FAM184A: variants seen among roughly 807,000 people sequenced by gnomAD.
The protein encoded by FAM184A is family with sequence similarity 184 member A.
In FAM184A, 99 loss-of-function variants were observed where a neutral mutation model predicts 143.8. The observed-to-expected ratio is 0.69, with a 90% CI of 0.58 to 0.81. FAM184A has a LOEUF of 0.81. FAM184A is among the 40% of genes least tolerant of loss of function. The pLI is 0.00. For synonymous variants in FAM184A, 427 were observed against 446.4 expected, an observed-to-expected ratio of 0.96 and a Z score of 0.55; for missense variants, 1,217 against 1,310.5, an observed-to-expected ratio of 0.93 and a Z score of 1.10.
At chr6:119,021,800 A>G (rs1477700458) in intron 3 of FAM184A, among the ~76,000 whole-genome samples, 1 of 151,920 alleles carries the variant, frequency 6.6e-6, no homozygotes, top group Non-Finnish European at 1.5e-5. Flanking sequence ...ACATGGCAAG[A>G]CCCCGTCTTT....
At position 118,964,664 on chromosome 6, in the gene FAM184A, T is replaced by G. The variant is rs755422251; in HGVS notation, c.3138+3A>C. On this transcript the variant is annotated splice_donor_region_variant and intron_variant, in intron 16 of 17. Transcript: ENST00000338891. ...CCTATTCTACAGTGTTTACGGCACA[T>G]ACCTTAGCCAATGGATTAATAACAC... The G allele has an allele frequency of 2.7e-5, 42 of 1,541,802 alleles. No homozygotes were observed. Among genetic ancestry groups the G allele is most frequent in the Middle Eastern group, 1.7e-4 (1 of 5,922 alleles).
chr6:119,143,297 G>T (rs1260435010), intron 1 of FAM184A, among the ~76,000 whole-genome samples: 1 of 152,126 alleles, frequency 6.6e-6, no homozygotes, highest in Admixed American at 6.5e-5. Flanking sequence ...AAAATCCAGG[G>T]TTGTGACTTC....
At chr6:119,088,282 C>T (rs751230906) in intron 1 of FAM184A, among the ~76,000 whole-genome samples, 1 of 152,102 alleles carries the variant, frequency 6.6e-6, no homozygotes, top group African/African-American at 2.4e-5. Flanking sequence ...AAAGATTCAT[C>T]GATGAAAAGT....
At chr6:119,147,771 T>C (rs1772500895) in intron 1 of FAM184A, among the ~76,000 whole-genome samples, 1 of 152,134 alleles carries the variant, frequency 6.6e-6, no homozygotes, top group Non-Finnish European at 1.5e-5. Flanking sequence ...CCATTTTAAA[T>C]TTAGGAACAA....
rs539273574 is a variant in FAM184A, at chr6:119,132,590, A to T, written c.-202+16488T>A. 1.3e-4 allele frequency among the ~76,000 whole-genome samples: 20 copies of T among 152,292 alleles called. No homozygotes were observed. In the South Asian group the frequency reaches 3.7e-3, roughly 28 times the overall value. On this transcript the variant is annotated intron_variant, in intron 1 of 16. Coordinates refer to the FAM184A transcript ENST00000352896. Reference sequence around the variant, plus strand: ...TTTTCATTCATTTGCAAATTTTTTTAAAAAACGTACTCATCTATTTTCCCA... The same window carrying T: ...TTTTCATTCATTTGCAAATTTTTTTTAAAAACGTACTCATCTATTTTCCCA...
At chr6:119,091,487 T>G (rs936610775) in intron 1 of FAM184A, among the ~76,000 whole-genome samples, 1 of 152,228 alleles carries the variant, frequency 6.6e-6, no homozygotes, top group Non-Finnish European at 1.5e-5. Flanking sequence ...TTGTGGATAC[T>G]GTGGTATATG....
At chr6:119,002,009 T>C (rs2114637802) in intron 9 of FAM184A, among the ~76,000 whole-genome samples, 1 of 152,306 alleles carries the variant, frequency 6.6e-6, no homozygotes, top group African/African-American at 2.4e-5. Flanking sequence ...ACATATGTAT[T>C]CTCTCTTTTC....
At chr6:119,034,033 TATATATATAGAGAG>T (rs1210171147) in intron 1 of FAM184A, among the ~76,000 whole-genome samples, 3 of 25,222 alleles carry the variant, frequency 1.2e-4, no homozygotes, top group Non-Finnish European at 1.5e-4. Context: ...TATATATATA[TATATATATAGAGAG>T]AGAGAGAGAG....
At chr6:119,041,488 C>T (rs1786330220) in intron 1 of FAM184A, among the ~76,000 whole-genome samples, 1 of 152,236 alleles carries the variant, frequency 6.6e-6, no homozygotes, top group Non-Finnish European at 1.5e-5. Flanking sequence ...CCTGAGAGCA[C>T]AGCGGGAGGG....
At chr6:119,097,784 C>T (rs78740059) in intron 1 of FAM184A, among the ~76,000 whole-genome samples, 4,731 of 152,226 alleles carry the variant, frequency 0.031, 431 homozygotes, top group Admixed American at 0.18. Context: ...CTCTCTCTGA[C>T]CTGCCTTCCT....
intron 1 of FAM184A, among the ~76,000 whole-genome samples, chr6:119,139,324 G>A (rs754009439): frequency 3.9e-5 from 6 of 152,168 alleles, no homozygotes; most frequent in Non-Finnish European, 7.3e-5. Flanking sequence ...AAAACCACAG[G>A]CCTCTCTGGA....
At position 119,053,894 on chromosome 6, in the gene FAM184A, T is replaced by C. The variant is rs17080790; in HGVS notation, c.159+24247A>G. ...TGTGTTTTAAAATACTTTTCTGTTG[T>C]TTCCTATGGTGATAAACATTTTCAA... On this transcript the variant is annotated intron_variant, in intron 1 of 17. Coordinates refer to ENST00000338891, the MANE Select transcript of FAM184A (RefSeq NM_024581.6). 8.6e-3 allele frequency among the ~76,000 whole-genome samples: 1,313 copies of C among 152,340 alleles called. 15 individuals carry two copies. The highest frequency in any genetic ancestry group is 0.03 in the African/African-American group (1,234 of 41,566).
At chr6:119,064,660 T>C (rs1787378002) in intron 1 of FAM184A, among the ~76,000 whole-genome samples, 1 of 152,162 alleles carries the variant, frequency 6.6e-6, no homozygotes, top group South Asian at 2.1e-4. Flanking sequence ...AAGCTATTAC[T>C]ATGTCACTGG....
intron 1 of FAM184A, among the ~76,000 whole-genome samples, chr6:119,143,698 A>G (rs1772321860): frequency 6.6e-6 from 1 of 152,214 alleles, no homozygotes; most frequent in South Asian, 2.1e-4. Context: ...TAAGTGAAAT[A>G]AGCCAGTCAC....
intron 1 of FAM184A, among the ~76,000 whole-genome samples, chr6:119,132,299 TAA>T (rs1321019816): frequency 6.6e-6 from 1 of 152,240 alleles, no homozygotes; most frequent in Non-Finnish European, 1.5e-5. Flanking sequence ...CCCTTTCTGC[TAA>T]GAGTTTATCT....
chr6:119,016,964 C>A lies in FAM184A; in HGVS notation c.1333-20G>T. The A allele has an allele frequency of 6.5e-7, 1 of 1,535,286 alleles. No homozygotes were observed. The highest frequency in any genetic ancestry group is 1.2e-5 in the South Asian group (1 of 85,798). Reference sequence around the variant, plus strand: ...TACTTTCTAAAATTAAAACAAAGATCAATAATCGGCACCTGCTTTTTTCAT... The same window carrying A: ...TACTTTCTAAAATTAAAACAAAGATAAATAATCGGCACCTGCTTTTTTCAT... On this transcript the variant is annotated intron_variant, in intron 4 of 17. Coordinates refer to ENST00000338891, the MANE Select transcript of FAM184A (RefSeq NM_024581.6).
intron 1 of FAM184A, among the ~76,000 whole-genome samples, chr6:119,127,695 G>A (rs1266724067): frequency 1.3e-5 from 2 of 152,168 alleles, no homozygotes; most frequent in African/African-American, 4.8e-5. Context: ...GTCAGCTGGG[G>A]AGCTTTTTCA....
At chr6:118,980,485 T>C in intron 9 of FAM184A, 135 bp from the exon 10 acceptor site, 1 of 638,054 alleles carries the variant, frequency 1.6e-6, no homozygotes, top group South Asian at 2.1e-5. Flanking sequence ...TTTAAAATAT[T>C]CTAAAATATA....
At chr6:119,079,120 C>T (rs72953080), upstream of FAM184A, 6,687 of 152,398 alleles carry the variant, frequency 0.044, 259 homozygotes, top group East Asian at 0.2. Context: ...AATCCAGAGA[C>T]ATGAGTAGTG....
Sources: gnomAD v4.1 joint callset for allele counts (sites outside exome capture counted in the v4.1 genomes callset) on GRCh38, gnomAD v4.1.1 for gene constraint, MANE v1.5 for transcripts, NCBI Gene and HGNC (gene_info 2026-07-23, HGNC 2026-07-21) for gene names.